SNX29: variants seen among roughly 807,000 people sequenced by gnomAD.
SNX29 encodes the protein sorting nexin-29.
In SNX29, 78 loss-of-function variants were observed where a neutral mutation model predicts 102.1. The observed-to-expected ratio is 0.76, with a 90% CI of 0.64 to 0.92. The LOEUF (loss-of-function observed/expected upper bound fraction) is 0.92. SNX29 is among the 40% of genes least tolerant of loss of function. The pLI is 0.00. For synonymous variants in SNX29, 580 were observed against 414.5 expected (o/e 1.40, Z -4.85); for missense variants, 1,280 against 1,061.7 (o/e 1.21, Z -2.86).
Position 12,096,717 on chromosome 16 carries a change from C to T in SNX29, c.1402+17802C>T, listed in dbSNP as rs1300203050. 4.6e-5 allele frequency among the ~76,000 whole-genome samples: 7 copies of T among 152,226 alleles called. No individual in the cohort carries two copies. The highest frequency in any genetic ancestry group is 1.5e-5 in the Non-Finnish European group (1 of 68,038). ...CTGAACAACCGCCACTCGATCCACC[C>T]ATGGGAACGAGTTCCCCGTGAAGTG... On this transcript the variant is annotated intron_variant, in intron 11 of 20. Coordinates refer to ENST00000566228, the MANE Select transcript of SNX29 (RefSeq NM_032167.5). This position sits in a 1 kb window ranked among gnomAD's most constrained non-coding sequence, Gnocchi z 4.2.
rs528184401 is a variant in SNX29 at position 12,238,358 on chromosome 16, C to A, written c.1678+38675C>A. 2.0e-5 allele frequency among the ~76,000 whole-genome samples: 3 copies of A among 148,730 alleles called. No individual in the cohort carries two copies. In the South Asian group the frequency reaches 6.3e-4, roughly 31 times the overall value. ...GCTCTATCACGTAGGCTGGAGTGTA[C>A]TCTGGGAGGATCGCTTGACCACCCA... is the stretch of plus-strand genomic sequence containing the variant. On this transcript the variant is annotated intron_variant, in intron 14 of 20. Transcript: ENST00000566228.
chr16:12,135,447 G>C, intron 13 of SNX29: 2 of 1,199,532 alleles, frequency 1.7e-6, no homozygotes, highest in East Asian at 4.4e-5. Context: ...CCATCCATGA[G>C]GGCTTTACAG....
intron 4 of SNX29, among the ~76,000 whole-genome samples, chr16:12,041,460 T>G (rs1476708712): frequency 2.0e-5 from 3 of 152,236 alleles, no homozygotes; most frequent in Non-Finnish European, 2.9e-5. Context: ...TACACAGTTG[T>G]TGGCTTTTAA....
In SNX29 at chr16:12,370,987, C is replaced by T. The variant is rs557405218; in HGVS notation, c.1899+14708C>T. Among the ~76,000 whole-genome samples, 48 of 152,314 alleles carry T rather than the reference C, an allele frequency of 3.2e-4. 1 individual carries two copies. The South Asian group carries it at 6.6e-3, about 21-fold the overall frequency. On this transcript the variant is annotated intron_variant, in intron 16 of 20. Coordinates refer to ENST00000566228, the MANE Select transcript of SNX29 (RefSeq NM_032167.5). ...GGCACCACCTTGGTATTACCTACAC[C>T]CCAGTGTTCTTGGGCCACAGCTTTC...
rs550817604 is a variant in SNX29 at position 12,546,844 on chromosome 16, T to G, written c.2319-21662T>G. 3.3e-5 allele frequency among the ~76,000 whole-genome samples: 5 copies of G among 152,296 alleles called. No individual in the cohort carries two copies. The South Asian group carries it at 1.0e-3, about 32-fold the overall frequency. Reference sequence around the variant, plus strand: ...ATATATGAAAATAAAGGGATTAAGATTATACAGTCACCAGTAAGATCAGGC... The same window carrying G: ...ATATATGAAAATAAAGGGATTAAGAGTATACAGTCACCAGTAAGATCAGGC... On this transcript the variant is annotated intron_variant, in intron 20 of 20. Coordinates refer to ENST00000566228, the MANE Select transcript of SNX29 (RefSeq NM_032167.5).
chr16:12,573,304 G>A lies in SNX29; in HGVS notation c.*4675G>A, dbSNP rs1319317542. The A allele has an allele frequency of 8.8e-6, 2 of 226,694 alleles. No homozygotes were observed. The highest frequency in any genetic ancestry group is 1.8e-5 in the Non-Finnish European group (2 of 114,110). The allele number at this position is 226,694 out of a possible 1,614,324, so 14.0% of individuals were successfully genotyped here. ...AGCCATGAGCCATTGCCATCTTATG[G>A]GCCCGATTTGGGTACTCTGAATTAT... On this transcript the variant is annotated 3_prime_UTR_variant, in exon 21 of 21. Coordinates refer to ENST00000566228, the MANE Select transcript of SNX29 (RefSeq NM_032167.5).
At chr16:12,356,000 G>A (rs2082124662) in intron 15 of SNX29, among the ~76,000 whole-genome samples, 163 bp from the exon 16 acceptor site, 1 of 152,096 alleles carries the variant, frequency 6.6e-6, no homozygotes, top group Non-Finnish European at 1.5e-5. Flanking sequence ...TGAGCTTATG[G>A]GTGGATTGCA....
rs188899090 is a variant in SNX29, at chr16:12,572,118, C to G, written c.*3489C>G. ...ATGTGGACTGGGTCTGATCACAGCC[C>G]TTGGCCCTGCTTCATACTTTGGAGC... On this transcript the variant is annotated 3_prime_UTR_variant, in exon 21 of 21. Coordinates refer to ENST00000566228, the MANE Select transcript of SNX29 (RefSeq NM_032167.5). 2.9e-6 allele frequency: 3 copies of G among 1,037,154 alleles called. No individual in the cohort carries two copies. In the African/African-American group the frequency reaches 5.0e-5, roughly 17 times the overall value. 64.2% of individuals were successfully genotyped at this position (1,037,154 alleles called of 1,614,324 possible). A position where few individuals can be genotyped will look rare whatever the true frequency, so the allele number is the denominator to read the frequency against.
chr16:12,410,153 C>T (rs1261509633), intron 18 of SNX29, among the ~76,000 whole-genome samples: 2 of 152,064 alleles, frequency 1.3e-5, no homozygotes, highest in African/African-American at 2.4e-5. Context: ...CATCACCACG[C>T]CTGGCTAATT....
At chr16:12,538,287 G>T (rs574378114) in intron 20 of SNX29, among the ~76,000 whole-genome samples, 1 of 152,076 alleles carries the variant, frequency 6.6e-6, no homozygotes, top group South Asian at 2.1e-4. Context: ...GGCTAATTTT[G>T]TATTTTTGTT....
In SNX29 at chr16:12,136,927, A is replaced by G. The variant is rs113522902; in HGVS notation, c.1595+7169A>G. Among the ~76,000 whole-genome samples, 694 of 152,196 alleles carry G rather than the reference A, an allele frequency of 4.6e-3. 8 individuals are homozygous for G. Among genetic ancestry groups the G allele is most frequent in the African/African-American group, 0.016 (659 of 41,510 alleles). ...GCTAATTTTTATATTTTTAGTAGAG[A>G]TGGGGTTTCACCATGTTGGCCAGGC... On this transcript the variant is annotated intron_variant, in intron 13 of 20. Transcript: ENST00000566228.
intron 20 of SNX29, among the ~76,000 whole-genome samples, chr16:12,527,580 C>T (rs2076820670): frequency 2.0e-5 from 3 of 152,114 alleles, no homozygotes; most frequent in African/African-American, 2.4e-5. Flanking sequence ...CATCTCATCT[C>T]GTCTTCTGGA....
chr16:12,024,240 G>A (rs140065705), intron 3 of SNX29, among the ~76,000 whole-genome samples: 2 of 151,596 alleles, frequency 1.3e-5, no homozygotes, highest in African/African-American at 4.9e-5. Context: ...CCGGATTCAT[G>A]TGATGCTCCT....
chr16:12,250,629 T>C (rs1243579251), intron 14 of SNX29, among the ~76,000 whole-genome samples: 1 of 152,172 alleles, frequency 6.6e-6, no homozygotes, highest in Non-Finnish European at 1.5e-5. Flanking sequence ...CTATTATTTG[T>C]TTCCATTCTT....
intron 16 of SNX29, among the ~76,000 whole-genome samples, chr16:12,365,261 A>G (rs373797738): frequency 6.6e-6 from 1 of 151,696 alleles, no homozygotes; most frequent in Admixed American, 6.6e-5. Context: ...AAACATGCCC[A>G]TTCTTCATCT....
intron 10 of SNX29, among the ~76,000 whole-genome samples, chr16:12,076,248 T>A (rs1438365407): frequency 6.6e-6 from 1 of 151,396 alleles, no homozygotes; most frequent in African/African-American, 2.4e-5. Flanking sequence ...TCTGCGTCAC[T>A]CACGCTGGGA....
chr16:12,025,446 C>G (rs541334339), intron 3 of SNX29, among the ~76,000 whole-genome samples: 1 of 152,032 alleles, frequency 6.6e-6, no homozygotes, highest in East Asian at 1.9e-4. Context: ...CAAGGTTAAT[C>G]ATTGATTTAC....
chr16:12,401,190 G>A (rs2083926232), intron 17 of SNX29, among the ~76,000 whole-genome samples: 2 of 152,030 alleles, frequency 1.3e-5, no homozygotes, highest in Admixed American at 6.6e-5. Flanking sequence ...GGGGTTAGAA[G>A]ATTTGAACAA....
At chr16:11,976,909 C>T in intron 1 of SNX29, 96 bp downstream of exon 1, 6 of 1,276,030 alleles carry the variant, frequency 4.7e-6, no homozygotes, top group Non-Finnish European at 5.9e-6. Context: ...GCGCCCCGCT[C>T]CCTCGCAGAC....
Sources: allele counts gnomAD v4.1 joint callset (sites outside exome capture counted in the v4.1 genomes callset), GRCh38; gene constraint gnomAD v4.1.1; non-coding constraint Gnocchi (gnomAD v3.1); transcripts MANE v1.5; gene names NCBI Gene and HGNC (gene_info 2026-07-23, HGNC 2026-07-21).